TENM3: variants seen among roughly 807,000 people sequenced by gnomAD.
The protein encoded by TENM3 is teneurin-3.
TENM3 carries 63 observed loss-of-function variants against 255.1 expected under a neutral mutation model. The observed-to-expected ratio is 0.25, with a 90% CI of 0.20 to 0.30. The LOEUF (loss-of-function observed/expected upper bound fraction) is 0.30, where lower values mean the gene tolerates loss of function less well. TENM3 is among the 10% of genes least tolerant of loss of function. The pLI is 1.00. For missense variants in TENM3, 2,929 were observed against 3,461.1 expected, an observed-to-expected ratio of 0.85 and a Z score of 3.86; for synonymous variants, 1,306 against 1,322.3, an observed-to-expected ratio of 0.99 and a Z score of 0.27.
At chr4:182,171,682 C>T (rs775038165) in intron 1 of TENM3, among the ~76,000 whole-genome samples, 65 of 152,286 alleles carry the variant, frequency 4.3e-4, no homozygotes, top group Non-Finnish European at 7.6e-4. Context: ...ATGTTTTCCA[C>T]ACCAAAGACT....
Position 182,679,754 on chromosome 4 carries a change from C to T in TENM3, c.1415C>T (p.Ala472Val), listed in dbSNP as rs781339057. ...GAGACGGAGAGAGCCGGGCGGCAGG[C>T]GAGATCCGTCAGCCTTCATGAGGCC... ...LLETERAGRQ[A>V]RSVSLHEAGF... Residue 472 changes from alanine to valine, a missense_variant, in exon 8 of 28, where the codon GCG becomes GTG. Coordinates refer to ENST00000511685, the MANE Select transcript of TENM3 (RefSeq NM_001080477.4). The T allele has an allele frequency of 1.9e-6, 3 of 1,613,700 alleles. No individual in the cohort carries two copies. Among genetic ancestry groups the T allele is most frequent in the Non-Finnish European group, 1.7e-6 (2 of 1,179,868 alleles).
intron 3 of TENM3, among the ~76,000 whole-genome samples, chr4:182,462,927 T>C (rs1288714453): frequency 6.6e-6 from 1 of 152,002 alleles, no homozygotes; most frequent in Admixed American, 6.6e-5. Context: ...TTTGTAATAC[T>C]GATCACTCTG....
At chr4:181,705,502 A>G in the TENM3 span, among the ~76,000 whole-genome samples, 1 of 152,190 alleles carries the variant, frequency 6.6e-6, no homozygotes, top group East Asian at 1.9e-4. Context: ...GAAATGACTT[A>G]TGTGTTTTCA....
At chr4:182,353,527 A>G (rs73869949) in intron 3 of TENM3, among the ~76,000 whole-genome samples, 214 of 152,354 alleles carry the variant, frequency 1.4e-3, no homozygotes, top group African/African-American at 4.9e-3. Flanking sequence ...CCTGATATAT[A>G]AAAATAACTA....
At chr4:182,401,924 C>A (rs1418669288) in intron 3 of TENM3, among the ~76,000 whole-genome samples, 1 of 152,234 alleles carries the variant, frequency 6.6e-6, no homozygotes, top group Non-Finnish European at 1.5e-5. Flanking sequence ...TCCGTTATTA[C>A]CATTTCCACT....
At chr4:181,598,543 A>G in the TENM3 span, among the ~76,000 whole-genome samples, 2 of 152,180 alleles carry the variant, frequency 1.3e-5, no homozygotes, top group East Asian at 3.9e-4. Context: ...TTATGATTTA[A>G]TGGGACACAA....
At chr4:182,240,426 A>T (rs1165032098), upstream of TENM3, among the ~76,000 whole-genome samples, 1 of 152,140 alleles carries the variant, frequency 6.6e-6, no homozygotes, top group Non-Finnish European at 1.5e-5. Flanking sequence ...TATCGGGATT[A>T]ATCTTTTTCT....
At chr4:182,162,783 C>A (rs142537466) in intron 1 of TENM3, among the ~76,000 whole-genome samples, 2 of 152,224 alleles carry the variant, frequency 1.3e-5, no homozygotes, top group African/African-American at 4.8e-5. Flanking sequence ...GATGGAAGTG[C>A]AAAAAGGGCT....
At chr4:181,612,490 A>ATGTGTGTGTG in the TENM3 span, among the ~76,000 whole-genome samples, 756 of 148,434 alleles carry the variant, frequency 5.1e-3, 7 homozygotes, top group South Asian at 0.043. Flanking sequence ...TTTGGTTAAG[A>ATGTGTGTGTG]TGTGTGTGTG....
At chr4:181,657,837 A>G in the TENM3 span, among the ~76,000 whole-genome samples, 1 of 152,162 alleles carries the variant, frequency 6.6e-6, no homozygotes, top group Non-Finnish European at 1.5e-5. Context: ...TTTTGCAGCA[A>G]CGTGGGTGGA....
chr4:181,584,402 C>T, the TENM3 span, among the ~76,000 whole-genome samples: 11 of 152,176 alleles, frequency 7.2e-5, no homozygotes, highest in South Asian at 2.1e-4. Context: ...GAGTGGCCTC[C>T]ACCAAGCTTC....
At chr4:181,913,226 T>C in the TENM3 span, among the ~76,000 whole-genome samples, 5 of 152,000 alleles carry the variant, frequency 3.3e-5, no homozygotes, top group African/African-American at 1.2e-4. Flanking sequence ...AGGAAGGAGA[T>C]CTGAGAAGAA....
intron 3 of TENM3, among the ~76,000 whole-genome samples, chr4:182,360,569 G>T (rs2150773346): frequency 6.6e-6 from 1 of 151,864 alleles, no homozygotes. Context: ...TTTTCCATTT[G>T]CTTGGTAGGT....
intron 3 of TENM3, among the ~76,000 whole-genome samples, chr4:182,352,119 A>C (rs2150710461): frequency 6.9e-6 from 1 of 145,008 alleles, no homozygotes; most frequent in East Asian, 2.1e-4. Context: ...CTCCTTCCTT[A>C]CCCCACCCCA....
At chr4:182,116,587 T>C in the TENM3 span, among the ~76,000 whole-genome samples, 55,486 of 151,972 alleles carry the variant, frequency 0.37, 10,551 homozygotes, top group East Asian at 0.53. Context: ...TCTTCCATCA[T>C]GATTGTAAGT....
At chr4:181,661,817 T>C in the TENM3 span, among the ~76,000 whole-genome samples, 1 of 152,048 alleles carries the variant, frequency 6.6e-6, no homozygotes, top group African/African-American at 2.4e-5. Context: ...TTTTTCCCTC[T>C]TTCTTCTGCC....
At chr4:181,627,841 G>T in the TENM3 span, among the ~76,000 whole-genome samples, 19 of 152,090 alleles carry the variant, frequency 1.2e-4, no homozygotes, top group Non-Finnish European at 2.2e-4. Flanking sequence ...TAATCCTTTG[G>T]GTATATGCCC....
At chr4:182,555,787 T>G (rs1397252744) in intron 3 of TENM3, among the ~76,000 whole-genome samples, 2 of 152,170 alleles carry the variant, frequency 1.3e-5, no homozygotes, top group African/African-American at 4.8e-5. Flanking sequence ...TTAAATTTCC[T>G]GAAAATTAAA....
At chr4:181,605,581 AAAGG>A in the TENM3 span, among the ~76,000 whole-genome samples, 27 of 33,798 alleles carry the variant, frequency 8.0e-4, 1 homozygote, top group Middle Eastern at 0.017. Context: ...AGAGAGAAAG[AAAGG>A]AAAGAAAGAA....
Sources: allele counts gnomAD v4.1 joint callset (sites outside exome capture counted in the v4.1 genomes callset), GRCh38; gene constraint gnomAD v4.1.1; transcripts MANE v1.5; gene names NCBI Gene and HGNC (gene_info 2026-07-23, HGNC 2026-07-21).